The following AAK1 variants were observed in gnomAD, a reference collection of about 807,000 sequenced individuals.
AAK1 encodes the protein AP2 associated kinase 1.
A neutral mutation model predicts 116.0 loss-of-function variants in AAK1; 37 were observed. That is an observed-to-expected ratio of 0.32 (90% CI 0.25 to 0.42). The LOEUF is 0.42. Ranked by LOEUF, AAK1 falls within the 10% of genes least tolerant of loss-of-function variation. The probability of loss-of-function intolerance (pLI) is 1.00; values close to 1 mark genes in which losing one functional copy is unlikely to be tolerated. For missense variants in AAK1, 919 were observed against 1,170.6 expected (o/e 0.79, Z 3.14); for synonymous variants, 458 against 439.9 (o/e 1.04, Z -0.51).
intron 16 of AAK1, among the ~76,000 whole-genome samples, chr2:69,505,259 T>C (rs1676139241): frequency 6.6e-6 from 1 of 152,216 alleles, no homozygotes; most frequent in Admixed American, 6.5e-5. Context: ...TGGGTGTTTC[T>C]TAAATCTAGA....
rs549389640 is a variant in AAK1, at chr2:69,471,888, C to T, written c.*3981G>A. On this transcript the variant is annotated 3_prime_UTR_variant, in exon 22 of 22. Coordinates refer to ENST00000409085, the MANE Select transcript of AAK1 (RefSeq NM_014911.5). Reference sequence around the variant, plus strand: ...AGTAGGAAATAAGTAATCAAAACAACCAAAAGTATTAATAATAAAACAAAT... The same window carrying T: ...AGTAGGAAATAAGTAATCAAAACAATCAAAAGTATTAATAATAAAACAAAT... 71 of 985,150 alleles carry T rather than the reference C, an allele frequency of 7.2e-5. No homozygotes were observed. The African/African-American group carries it at 1.1e-3, about 15-fold the overall frequency. 61.0% of individuals were successfully genotyped at this position (985,150 alleles called of 1,614,324 possible). A position where few individuals can be genotyped will look rare whatever the true frequency, so the allele number is the denominator to read the frequency against.
intron 14 of AAK1, 131 bp from the exon 15 acceptor site, chr2:69,507,709 T>A: frequency 1.0e-5 from 4 of 387,392 alleles, no homozygotes; most frequent in East Asian, 8.3e-5. Context: ...ACCACAGTAT[T>A]TTTTTTTTTT....
At chr2:69,534,087 G>A (rs1005185486) in intron 5 of AAK1, among the ~76,000 whole-genome samples, 1 of 152,110 alleles carries the variant, frequency 6.6e-6, no homozygotes, top group Non-Finnish European at 1.5e-5. Flanking sequence ...ATCATTTTCT[G>A]AGCTTTATTA....
intron 13 of AAK1, among the ~76,000 whole-genome samples, chr2:69,511,958 C>T (rs962297419): frequency 2.0e-5 from 3 of 152,184 alleles, no homozygotes; most frequent in East Asian, 1.9e-4. Flanking sequence ...CACTTAGAAT[C>T]AAAGAATGTG....
chr2:69,554,776 G>GT (rs1671321583), intron 3 of AAK1, among the ~76,000 whole-genome samples: 1 of 152,274 alleles, frequency 6.6e-6, no homozygotes, highest in Non-Finnish European at 1.5e-5. Context: ...ATTGCTTGAC[G>GT]TTTTTTGTAA....
chr2:69,480,861 T>C lies in AAK1; in HGVS notation c.2568A>G (p.Thr856=), dbSNP rs1675061909. 2 of 1,590,724 alleles carry C rather than the reference T, an allele frequency of 1.3e-6. No homozygotes were observed. Among genetic ancestry groups the C allele is most frequent in the Non-Finnish European group, 1.7e-6 (2 of 1,168,796 alleles). ...SQTESVTSNR[T]DSLTGEDSLL... ...CAGCTGCAGAGACACCTGACTGACCTGTGCGATTCGAGGTCACAGATTCCG... is the reference window on the plus strand; with the variant it reads ...CAGCTGCAGAGACACCTGACTGACCCGTGCGATTCGAGGTCACAGATTCCG... The change falls in exon 19 of 22, where the codon ACA becomes ACG. Residue 856 remains threonine (T), a splice_region_variant and synonymous_variant. Coordinates refer to ENST00000409085, the MANE Select transcript of AAK1 (RefSeq NM_014911.5).
At chr2:69,544,158 C>T (rs565143874) in intron 4 of AAK1, 3 of 322,484 alleles carry the variant, frequency 9.3e-6, no homozygotes, top group African/African-American at 4.2e-5. Flanking sequence ...TATAAAGCAT[C>T]ACAAAGAACA....
chr2:69,597,465 C>A, intron 2 of AAK1: 2 of 171,342 alleles, frequency 1.2e-5, no homozygotes, highest in East Asian at 1.4e-4. Flanking sequence ...TCAGCCTTCC[C>A]CACTACAATG....
At chr2:69,632,722 C>T (rs1675243568) in intron 2 of AAK1, among the ~76,000 whole-genome samples, 1 of 152,130 alleles carries the variant, frequency 6.6e-6, no homozygotes, top group African/African-American at 2.4e-5. Context: ...CATGGTGAAA[C>T]CCCGTCTCTA....
At chr2:69,576,701 C>T (rs1461195741) in intron 2 of AAK1, among the ~76,000 whole-genome samples, 1 of 152,068 alleles carries the variant, frequency 6.6e-6, no homozygotes, top group East Asian at 1.9e-4. Context: ...AAATGATTAG[C>T]TCAATTAACC....
chr2:69,633,990 TG>T (rs1417366999), intron 2 of AAK1, among the ~76,000 whole-genome samples: 1 of 152,062 alleles, frequency 6.6e-6, no homozygotes, highest in Non-Finnish European at 1.5e-5. Flanking sequence ...GCTAACATGG[TG>T]AAACCCTACC....
chr2:69,606,206 C>T (rs1177259348), intron 2 of AAK1, among the ~76,000 whole-genome samples: 1 of 152,184 alleles, frequency 6.6e-6, no homozygotes, highest in African/African-American at 2.4e-5. Context: ...TTTTTCTCAT[C>T]TCTGTAATCC....
Position 69,469,140 on chromosome 2 carries a change from T to C in AAK1, c.*6729A>G. 1.0e-6 allele frequency: 1 copy of C among 985,416 alleles called. No individual in the cohort carries two copies. The highest frequency in any genetic ancestry group is 4.7e-5 in the South Asian group (1 of 21,284). The allele number at this position is 985,416 out of a possible 1,614,324, so 61.0% of individuals were successfully genotyped here. A position where few individuals can be genotyped will look rare whatever the true frequency, so the allele number is the denominator to read the frequency against. ...GTTGTCCTGAGAAGGCCAAGTCCCTTAACCTTTCTATTCTTGTTAGAGGAG... is the reference window on the plus strand; with the variant it reads ...GTTGTCCTGAGAAGGCCAAGTCCCTCAACCTTTCTATTCTTGTTAGAGGAG... On this transcript the variant is annotated 3_prime_UTR_variant, in exon 22 of 22. Coordinates refer to ENST00000409085, the MANE Select transcript of AAK1 (RefSeq NM_014911.5).
At chr2:69,531,733 G>A (rs1254481836) in intron 6 of AAK1, 11 of 1,062,894 alleles carry the variant, frequency 1.0e-5, no homozygotes, top group Admixed American at 9.6e-5. Context: ...GTACTTTTAC[G>A]GTGTGTGCAC....
At chr2:69,503,998 T>A (rs1267105726) in intron 16 of AAK1, among the ~76,000 whole-genome samples, 2 of 135,974 alleles carry the variant, frequency 1.5e-5, no homozygotes, top group Non-Finnish European at 3.2e-5. Flanking sequence ...AAATTCCGTC[T>A]AAAAAAAAAA....
rs185308240 is a variant in AAK1, at chr2:69,483,744, G to C, written c.2366-932C>G. Among the ~76,000 whole-genome samples the C allele has an allele frequency of 4.8e-3, 724 of 152,084 alleles. 10 individuals are homozygous for C. The highest frequency in any genetic ancestry group is 0.012 in the Admixed American group (187 of 15,272). On this transcript the variant is annotated intron_variant, in intron 17 of 21. Transcript: ENST00000409085. Reference sequence around the variant, plus strand: ...ATGCTGGCAGTCATATTATTCTATGGTCAAATATCACAAAATTCACTTAAG... The same window carrying C: ...ATGCTGGCAGTCATATTATTCTATGCTCAAATATCACAAAATTCACTTAAG...
At chr2:69,594,671 G>A in intron 2 of AAK1, 2 of 576,772 alleles carry the variant, frequency 3.5e-6, no homozygotes, top group Non-Finnish European at 6.1e-6. Context: ...AAATGTTCTT[G>A]AAGGAATTTT....
chr2:69,478,652 G>A (rs577181768), intron 20 of AAK1: 116 of 288,038 alleles, frequency 4.0e-4, no homozygotes, highest in African/African-American at 2.2e-3. Context: ...CTGAGACTCC[G>A]TATGTTGTCC....
At chr2:69,532,243 T>C in intron 5 of AAK1, 81 bp from the exon 6 acceptor site, 1 of 1,537,746 alleles carries the variant, frequency 6.5e-7, no homozygotes, top group South Asian at 1.2e-5. Flanking sequence ...GTCACATAAA[T>C]AAACGTTTTA....
Sources: gnomAD v4.1 joint callset for allele counts (sites outside exome capture counted in the v4.1 genomes callset) on GRCh38, gnomAD v4.1.1 for gene constraint, MANE v1.5 for transcripts, NCBI Gene and HGNC (gene_info 2026-07-23, HGNC 2026-07-21) for gene names.